STXBP5L: variants seen among roughly 807,000 people sequenced by gnomAD.
STXBP5L encodes syntaxin binding protein 5L.
In STXBP5L, 65 loss-of-function variants were observed where a neutral mutation model predicts 144.5. The observed-to-expected ratio is 0.45, with a 90% confidence interval of 0.37 to 0.55. STXBP5L has a LOEUF of 0.55. Among genes scored for constraint, STXBP5L ranks in the 20% least tolerant of loss-of-function variants. The pLI, the probability that STXBP5L is intolerant of heterozygous loss-of-function variation, is 0.00. For missense variants in STXBP5L, 1,298 were observed against 1,405.5 expected, an observed-to-expected ratio of 0.92 and a Z score of 1.22; for synonymous variants, 505 against 469.6, an observed-to-expected ratio of 1.08 and a Z score of -0.97.
intron 2 of STXBP5L, among the ~76,000 whole-genome samples, chr3:120,918,602 C>T (rs929689297): frequency 1.3e-5 from 2 of 152,186 alleles, no homozygotes; most frequent in Admixed American, 6.5e-5. Flanking sequence ...TCACCCTGTG[C>T]TTACACTATT....
chr3:121,282,458 T>C (rs1402130836), intron 19 of STXBP5L: 1 of 861,848 alleles, frequency 1.2e-6, no homozygotes, highest in African/African-American at 1.7e-5. Flanking sequence ...CAAATTTTTG[T>C]TTTGTTATGG....
intron 2 of STXBP5L, among the ~76,000 whole-genome samples, chr3:120,938,178 T>G (rs1710366859): frequency 6.6e-6 from 1 of 152,138 alleles, no homozygotes. Context: ...TAAAAAGTTT[T>G]TATATAAAAA....
At chr3:121,003,734 G>A (rs530536739) in intron 3 of STXBP5L, among the ~76,000 whole-genome samples, 2 of 152,130 alleles carry the variant, frequency 1.3e-5, no homozygotes, top group Admixed American at 1.3e-4. Context: ...TTTGTATAAG[G>A]TGTAAGGAAG....
intron 9 of STXBP5L, among the ~76,000 whole-genome samples, chr3:121,171,237 A>T (rs1343845001): frequency 6.6e-6 from 1 of 152,134 alleles, no homozygotes; most frequent in Non-Finnish European, 1.5e-5. Context: ...TTTATAACAA[A>T]CCCACAGCCA....
intron 20 of STXBP5L, among the ~76,000 whole-genome samples, chr3:121,350,087 T>G (rs1339694907): frequency 6.6e-6 from 1 of 152,178 alleles, no homozygotes; most frequent in Non-Finnish European, 1.5e-5. Context: ...GTTTTTGCAG[T>G]GGCTGGTACC....
At chr3:121,167,424 A>C (rs2046539731) in intron 9 of STXBP5L, among the ~76,000 whole-genome samples, 1 of 152,202 alleles carries the variant, frequency 6.6e-6, no homozygotes, top group Non-Finnish European at 1.5e-5. Flanking sequence ...ATCAAAAACA[A>C]CAACAGGTAG....
intron 3 of STXBP5L, among the ~76,000 whole-genome samples, chr3:121,040,702 C>T (rs1312812606): frequency 6.6e-6 from 1 of 152,048 alleles, no homozygotes; most frequent in Non-Finnish European, 1.5e-5. Context: ...TTCAGTAGGC[C>T]TGCTAGATTT....
intron 23 of STXBP5L, 46 bp downstream of exon 23, chr3:121,407,649 CA>C: frequency 6.2e-7 from 1 of 1,608,442 alleles, no homozygotes; most frequent in Non-Finnish European, 8.5e-7. Flanking sequence ...ACAATACCAG[CA>C]AGGTACAATC....
chr3:120,962,719 C>T (rs1199306751), intron 3 of STXBP5L, among the ~76,000 whole-genome samples: 10 of 152,288 alleles, frequency 6.6e-5, no homozygotes, highest in African/African-American at 1.9e-4. Flanking sequence ...ATGATGGCTC[C>T]AGCTTTGTTC....
At chr3:121,369,190 G>C in intron 20 of STXBP5L, among the ~76,000 whole-genome samples, 1 of 152,148 alleles carries the variant, frequency 6.6e-6, no homozygotes, top group Admixed American at 6.5e-5. Context: ...ACCAAAATTA[G>C]CTGCAATTTA....
At chr3:121,312,198 T>C (rs1013774132) in intron 19 of STXBP5L, among the ~76,000 whole-genome samples, 1 of 151,982 alleles carries the variant, frequency 6.6e-6, no homozygotes, top group African/African-American at 2.4e-5. Flanking sequence ...TAATTCAAGA[T>C]GGATTAAAGA....
intron 3 of STXBP5L, among the ~76,000 whole-genome samples, chr3:120,962,381 G>A (rs1042822700): frequency 1.3e-5 from 2 of 152,142 alleles, no homozygotes; most frequent in Non-Finnish European, 2.9e-5. Flanking sequence ...TATTGCCTAG[G>A]TTTTCTTCTA....
chr3:121,078,226 G>A (rs553906630), intron 5 of STXBP5L, among the ~76,000 whole-genome samples: 138 of 151,956 alleles, frequency 9.1e-4, no homozygotes, highest in African/African-American at 3.3e-3. Context: ...GATACAGAGT[G>A]CTGATTGGTG....
intron 3 of STXBP5L, among the ~76,000 whole-genome samples, chr3:121,024,072 TAAAC>T (rs1243014755): frequency 1.3e-5 from 2 of 151,974 alleles, no homozygotes; most frequent in Non-Finnish European, 2.9e-5. Flanking sequence ...AATGTATTCT[TAAAC>T]AAAAAATGAA....
chr3:121,092,087 G>T (rs1178948487), intron 5 of STXBP5L, among the ~76,000 whole-genome samples: 1 of 152,066 alleles, frequency 6.6e-6, no homozygotes, highest in African/African-American at 2.4e-5. Context: ...GATAGTTGTA[G>T]ATATGCAGCG....
intron 5 of STXBP5L, among the ~76,000 whole-genome samples, chr3:121,054,838 CTGTT>C (rs1560066724): frequency 1.3e-5 from 2 of 151,990 alleles, no homozygotes; most frequent in Non-Finnish European, 2.9e-5. Flanking sequence ...ATCTTTCTCT[CTGTT>C]TGTAAGATTT....
intron 10 of STXBP5L, among the ~76,000 whole-genome samples, chr3:121,208,562 C>A (rs1182121412): frequency 6.6e-6 from 1 of 151,976 alleles, no homozygotes; most frequent in Non-Finnish European, 1.5e-5. Flanking sequence ...CAAATTTAAT[C>A]ATTATTAATG....
chr3:121,386,712 T>C (rs1162147418), intron 22 of STXBP5L, among the ~76,000 whole-genome samples: 1 of 152,206 alleles, frequency 6.6e-6, no homozygotes, highest in Non-Finnish European at 1.5e-5. Context: ...GCTTCATCAA[T>C]GTCCCTGCAA....
chr3:121,214,532 C>T (rs776775337), intron 10 of STXBP5L, among the ~76,000 whole-genome samples: 13 of 152,090 alleles, frequency 8.5e-5, no homozygotes, highest in Admixed American at 3.3e-4. Flanking sequence ...GTGAGTTTCT[C>T]AATCCTGAGT....
Sources: allele counts gnomAD v4.1 joint callset (sites outside exome capture counted in the v4.1 genomes callset), GRCh38; gene constraint gnomAD v4.1.1; transcripts MANE v1.5; gene names NCBI Gene and HGNC (gene_info 2026-07-23, HGNC 2026-07-21).